The following SFMBT2 variants were observed in gnomAD, a reference collection of about 807,000 sequenced individuals.
SFMBT2 encodes Scm like with four mbt domains 2.
SFMBT2 carries 38 observed loss-of-function variants against 110.1 expected under a neutral mutation model. The observed-to-expected ratio is 0.35, with a 90% confidence interval of 0.27 to 0.45. SFMBT2 has a LOEUF of 0.45. Ranked by LOEUF, SFMBT2 falls within the 20% of genes least tolerant of loss-of-function variation. The pLI is 1.00. For missense variants in SFMBT2, 1,011 were observed against 1,094.9 expected (o/e 0.92, Z 1.08); for synonymous variants, 425 against 425.4 (o/e 1.00, Z 0.01).
intron 4 of SFMBT2, among the ~76,000 whole-genome samples, chr10:7,308,291 T>C (rs1240911238): frequency 1.3e-5 from 2 of 152,024 alleles, no homozygotes; most frequent in Admixed American, 6.6e-5. Context: ...GCCCAGGAAG[T>C]AGAGGCTGCA....
chr10:7,270,236 A>G (rs545790740), intron 7 of SFMBT2, among the ~76,000 whole-genome samples: 21 of 152,320 alleles, frequency 1.4e-4, no homozygotes, highest in Admixed American at 2.0e-4. Context: ...AGCAAAGCCC[A>G]GGACACAGGC....
chr10:7,372,120 G>A (rs1026824894), intron 2 of SFMBT2, among the ~76,000 whole-genome samples: 2 of 152,106 alleles, frequency 1.3e-5, no homozygotes, highest in South Asian at 2.1e-4. Context: ...GTTTCGCCAT[G>A]TTGGGCAGAC....
At chr10:7,284,192 T>G in intron 5 of SFMBT2, 42 bp from the exon 6 acceptor site, 1 of 1,591,432 alleles carries the variant, frequency 6.3e-7, no homozygotes, top group Non-Finnish European at 8.5e-7. Context: ...AAACTTTATT[T>G]TAAGGTTCTC....
At position 7,324,431 on chromosome 10, in the gene SFMBT2, C is replaced by T. The variant is rs571866484; in HGVS notation, c.437-38477G>A. ...AAGAGCCAGAAGTAAAAAGAGAAGA[C>T]GCGGAGGAGACCAGGCAGGGGAGCT... is the stretch of plus-strand genomic sequence containing the variant. On this transcript the variant is annotated intron_variant, in intron 4 of 20. Transcript: ENST00000397167. Among the ~76,000 whole-genome samples, 11 of 152,228 alleles carry T rather than the reference C, an allele frequency of 7.2e-5. No individual in the cohort carries two copies. The South Asian group carries it at 8.3e-4, about 11-fold the overall frequency.
At chr10:7,314,977 GGAGA>G (rs1289298396) in intron 4 of SFMBT2, among the ~76,000 whole-genome samples, 1 of 131,878 alleles carries the variant, frequency 7.6e-6, no homozygotes, top group East Asian at 2.2e-4. Flanking sequence ...AGAGAGAGAG[GGAGA>G]AAGAGAAAGA....
At chr10:7,386,266 G>A (rs1374534650) in intron 1 of SFMBT2, among the ~76,000 whole-genome samples, 1 of 152,160 alleles carries the variant, frequency 6.6e-6, no homozygotes, top group Non-Finnish European at 1.5e-5. Flanking sequence ...AAAAGCAATA[G>A]TAGTGTCCTA....
chr10:7,304,922 C>A (rs576260386), intron 4 of SFMBT2, among the ~76,000 whole-genome samples: 1 of 152,268 alleles, frequency 6.6e-6, no homozygotes, highest in African/African-American at 2.4e-5. Context: ...CAGTTGCACC[C>A]CTGGGAGGAC....
chr10:7,275,959 G>A (rs1481072779), intron 7 of SFMBT2, among the ~76,000 whole-genome samples: 2 of 152,342 alleles, frequency 1.3e-5, no homozygotes, highest in South Asian at 2.1e-4. Flanking sequence ...ATGTCTGCCC[G>A]TCACAACCAC....
chr10:7,294,085 C>T (rs956714432), intron 4 of SFMBT2, among the ~76,000 whole-genome samples: 3 of 152,198 alleles, frequency 2.0e-5, no homozygotes, highest in African/African-American at 4.8e-5. Context: ...ACTGAACCCA[C>T]ATTCATTCAG....
At chr10:7,286,157 A>G (rs1406859740) in intron 4 of SFMBT2, among the ~76,000 whole-genome samples, 1 of 152,266 alleles carries the variant, frequency 6.6e-6, no homozygotes, top group Non-Finnish European at 1.5e-5. Context: ...AACTTGACAC[A>G]TACCACATGC....
chr10:7,228,760 C>T (rs1055837343), intron 9 of SFMBT2, among the ~76,000 whole-genome samples: 5 of 132,810 alleles, frequency 3.8e-5, no homozygotes, highest in Non-Finnish European at 6.8e-5. Context: ...CTCTCTCTCT[C>T]TCTCTCTCTC....
At chr10:7,330,330 G>A (rs1011321195) in intron 4 of SFMBT2, among the ~76,000 whole-genome samples, 3 of 151,978 alleles carry the variant, frequency 2.0e-5, no homozygotes, top group Admixed American at 1.3e-4. Context: ...TCACCTCCTA[G>A]GGTCCACCCG....
chr10:7,348,480 T>A (rs1162030536), intron 4 of SFMBT2: 2 of 545,622 alleles, frequency 3.7e-6, no homozygotes, highest in Admixed American at 4.2e-5. Context: ...CAACTCTACT[T>A]AACAGCTCTG....
intron 11 of SFMBT2, among the ~76,000 whole-genome samples, chr10:7,212,310 G>A (rs2692825): frequency 0.57 from 86,797 of 152,108 alleles, 25,216 homozygotes; most frequent in East Asian, 0.87. Flanking sequence ...ATCTTAAATC[G>A]CTATTTCATT....
Position 7,410,899 on chromosome 10 carries a change from C to T in SFMBT2, c.-90G>A, listed in dbSNP as rs1034879234. Among the ~76,000 whole-genome samples the T allele has an allele frequency of 8.6e-5, 13 of 151,574 alleles. No individual in the cohort carries two copies. Among genetic ancestry groups the T allele is most frequent in the African/African-American group, 2.7e-4 (11 of 41,422 alleles). On this transcript the variant is annotated 5_prime_UTR_variant, in exon 1 of 21. Coordinates refer to ENST00000397167, the MANE Select transcript of SFMBT2 (RefSeq NM_001387889.1). ...TCCTGCCCTCGGCGTGGACCCAGGCCCCGGTCGCCGCCCGGGAGGGCACCG... is the reference window on the plus strand; with the variant it reads ...TCCTGCCCTCGGCGTGGACCCAGGCTCCGGTCGCCGCCCGGGAGGGCACCG...
At chr10:7,238,818 T>C (rs936943615) in intron 9 of SFMBT2, among the ~76,000 whole-genome samples, 4 of 152,246 alleles carry the variant, frequency 2.6e-5, no homozygotes, top group Admixed American at 2.0e-4. Flanking sequence ...GAAAGGTTAA[T>C]GAAATAATTT....
chr10:7,284,399 T>C (rs1402506717), intron 5 of SFMBT2: 31 of 1,223,822 alleles, frequency 2.5e-5, no homozygotes, highest in Non-Finnish European at 3.1e-5. Flanking sequence ...AAATAACAGT[T>C]TGTGCTAAGT....
rs142477108 is a variant in SFMBT2, at chr10:7,205,479, T to TA, written c.1444+335dup. Reference sequence around the variant, plus strand: ...GCTACATGAGAAAAATCAGTTCTTTTAAAGAAATGGTAACACAATAATATA... The same window carrying TA: ...GCTACATGAGAAAAATCAGTTCTTTTAAAAGAAATGGTAACACAATAATATA... On this transcript the variant is annotated intron_variant, in intron 12 of 20. Transcript: ENST00000397167. The TA allele has an allele frequency of 1.3e-3, 1,240 of 984,980 alleles. 13 individuals carry two copies. The African/African-American group carries it at 0.02, about 16-fold the overall frequency. The allele number at this position is 984,980 out of a possible 1,614,324, so 61.0% of individuals were successfully genotyped here.
At chr10:7,336,652 T>TCAAG (rs923871850) in intron 4 of SFMBT2, among the ~76,000 whole-genome samples, 1 of 58,100 alleles carries the variant, frequency 1.7e-5, no homozygotes. Context: ...AGACCCTGTC[T>TCAAG]CAATCAATCA....
Sources: gnomAD v4.1 joint callset for allele counts (sites outside exome capture counted in the v4.1 genomes callset) on GRCh38, gnomAD v4.1.1 for gene constraint, MANE v1.5 for transcripts, NCBI Gene and HGNC (gene_info 2026-07-23, HGNC 2026-07-21) for gene names.